The following ICA1L variants were observed in gnomAD, a reference collection of about 807,000 sequenced individuals.
The protein encoded by ICA1L is islet cell autoantigen 1 like.
In ICA1L, 50 loss-of-function variants were observed where a neutral mutation model predicts 61.3. The observed-to-expected ratio is 0.82, with a 90% CI of 0.65 to 1.03. The LOEUF is 1.03. Among genes scored for constraint, ICA1L ranks in the 50% least tolerant of loss-of-function variants. The pLI is 0.00. For synonymous variants in ICA1L, 161 were observed against 191.3 expected (o/e 0.84, Z 1.31); for missense variants, 508 against 556.7 (o/e 0.91, Z 0.88).
intron 10 of ICA1L, among the ~76,000 whole-genome samples, chr2:202,793,624 A>G (rs1412806206): frequency 2.0e-5 from 3 of 149,190 alleles, no homozygotes; most frequent in Non-Finnish European, 1.5e-5. Flanking sequence ...GGTTCCAGTG[A>G]GCAGAGATCA....
chr2:202,815,416 C>T (rs1200200269), intron 7 of ICA1L, among the ~76,000 whole-genome samples: 8 of 152,066 alleles, frequency 5.3e-5, no homozygotes, highest in Admixed American at 5.2e-4. Context: ...GGTACTGAAA[C>T]CTGGCATAAT....
intron 9 of ICA1L, among the ~76,000 whole-genome samples, chr2:202,804,700 C>T (rs1212326661): frequency 6.6e-6 from 1 of 152,196 alleles, no homozygotes; most frequent in African/African-American, 2.4e-5. Flanking sequence ...CTGCATTCAA[C>T]AGTTTGAGTA....
rs1383597826 is a variant in ICA1L at position 202,817,400 on chromosome 2, G to A, written c.684+18C>T. 1 of 1,558,756 alleles carries A rather than the reference G, an allele frequency of 6.4e-7. No individual in the cohort carries two copies. Among genetic ancestry groups the A allele is most frequent in the Non-Finnish European group, 8.7e-7 (1 of 1,150,850 alleles). On this transcript the variant is annotated intron_variant, in intron 6 of 12. Coordinates refer to ENST00000358299, the MANE Select transcript of ICA1L (RefSeq NM_001288622.3). ...CTCATCTTTACTGCAAGGATATGCT[G>A]ACCATGGAGGTGGGTACCTGGTAGG...
chr2:202,802,497 C>A (rs1693109348), intron 9 of ICA1L, among the ~76,000 whole-genome samples: 1 of 151,780 alleles, frequency 6.6e-6, no homozygotes, highest in Admixed American at 6.6e-5. Flanking sequence ...AAAAGAAATA[C>A]AATTTATACC....
chr2:202,807,761 G>C (rs1413347022), intron 9 of ICA1L, among the ~76,000 whole-genome samples: 1 of 152,080 alleles, frequency 6.6e-6, no homozygotes, highest in Non-Finnish European at 1.5e-5. Flanking sequence ...ACTTTGTCTT[G>C]CAACTTGGAT....
At position 202,817,544 on chromosome 2, in the gene ICA1L, C is replaced by A; in HGVS notation, c.559-1G>T. 6.3e-7 allele frequency: 1 copy of A among 1,594,656 alleles called. No individual in the cohort carries two copies. Among genetic ancestry groups the A allele is most frequent in the Non-Finnish European group, 8.6e-7 (1 of 1,167,600 alleles). On this transcript the variant is annotated splice_acceptor_variant, in intron 5 of 12. Transcript: ENST00000358299. LOFTEE classifies it high-confidence loss of function. ...TGCTATTTCTCACTTGCATCTGTAC[C>A]TGCAATAAAAATGCTAATTTTTATT...
intron 1 of ICA1L, among the ~76,000 whole-genome samples, chr2:202,831,525 G>A (rs779850156): frequency 2.6e-5 from 4 of 152,022 alleles, no homozygotes; most frequent in South Asian, 2.1e-4. Flanking sequence ...GGCTCAATTC[G>A]AAGAACAAAA....
intron 9 of ICA1L, among the ~76,000 whole-genome samples, chr2:202,802,247 A>G (rs1280064527): frequency 3.3e-5 from 5 of 152,192 alleles, no homozygotes; most frequent in Admixed American, 2.6e-4. Context: ...AACAGATCTG[A>G]AGAACTTACC....
intron 10 of ICA1L, among the ~76,000 whole-genome samples, chr2:202,793,984 CAA>C (rs796439915): frequency 2.8e-4 from 23 of 83,216 alleles, no homozygotes; most frequent in Admixed American, 2.6e-4. Context: ...AACTCCAGCT[CAA>C]AAAAAAAAAA....
At chr2:202,782,269 C>T (rs1443382603) in intron 12 of ICA1L, among the ~76,000 whole-genome samples, 8 of 152,030 alleles carry the variant, frequency 5.3e-5, no homozygotes, top group African/African-American at 1.2e-4. Flanking sequence ...TGCTTGAACC[C>T]GGGAGGCGGA....
chr2:202,810,426 T>TA (rs1219525065), intron 9 of ICA1L, among the ~76,000 whole-genome samples: 4 of 152,214 alleles, frequency 2.6e-5, no homozygotes, highest in African/African-American at 9.7e-5. Context: ...CATGGACACT[T>TA]ATCACTTCCC....
intron 12 of ICA1L, among the ~76,000 whole-genome samples, chr2:202,781,235 A>AATGTTC (rs1175457840): frequency 3.3e-5 from 5 of 152,158 alleles, no homozygotes; most frequent in African/African-American, 1.2e-4. Flanking sequence ...AATTAAACAT[A>AATGTTC]ATGTTCATAA....
chr2:202,809,525 G>A (rs965249228), intron 9 of ICA1L, among the ~76,000 whole-genome samples: 2 of 152,050 alleles, frequency 1.3e-5, no homozygotes. Flanking sequence ...GTGCATGCCT[G>A]TAATTCCAGT....
At chr2:202,844,778 T>C (rs1309846156) in intron 1 of ICA1L, among the ~76,000 whole-genome samples, 1 of 152,214 alleles carries the variant, frequency 6.6e-6, no homozygotes, top group Non-Finnish European at 1.5e-5. Context: ...TGTGTATTAA[T>C]TTCCTACTGC....
Position 202,779,498 on chromosome 2 carries a change from G to T in ICA1L, c.*35C>A. On this transcript the variant is annotated 3_prime_UTR_variant, in exon 13 of 13. Coordinates refer to ENST00000358299, the MANE Select transcript of ICA1L (RefSeq NM_001288622.3). ...GAAGGAAATACGTTGCAAAATTGAT[G>T]TCTCAAGGCCACTGAAGTGACATTA... The T allele has an allele frequency of 7.8e-7, 1 of 1,285,246 alleles. No homozygotes were observed. The highest frequency in any genetic ancestry group is 1.1e-6 in the Non-Finnish European group (1 of 896,504). 79.6% of individuals were successfully genotyped at this position (1,285,246 alleles called of 1,614,324 possible).
chr2:202,801,059 T>C (rs13429334), intron 9 of ICA1L, among the ~76,000 whole-genome samples: 126,044 of 152,078 alleles, frequency 0.83, 52,564 homozygotes, highest in Middle Eastern at 0.88. Context: ...GGAAAAGATT[T>C]CAGAGGTGGC....
In ICA1L at chr2:202,785,978, A is replaced by G; in HGVS notation, c.1273T>C (p.Cys425Arg). The change falls in exon 12 of 13, where the codon TGT becomes CGT. Residue 425 changes from cysteine to arginine, a missense_variant. Coordinates refer to ENST00000358299, the MANE Select transcript of ICA1L (RefSeq NM_001288622.3). ...NWVSQEESEL[C>R]LSHTDNQPVP... ...GGCTGGTTATCAGTGTGTGAAAGAC[A>G]AAGTTCTGATTCCTCTTGGGAGACC... 3.1e-6 allele frequency: 5 copies of G among 1,610,108 alleles called. No homozygotes were observed. The highest frequency in any genetic ancestry group is 4.2e-6 in the Non-Finnish European group (5 of 1,176,998).
In ICA1L at chr2:202,817,454, G is replaced by A. The variant is rs775030889; in HGVS notation, c.648C>T (p.Arg216=). Residue 216 remains arginine (R), a synonymous_variant, in exon 6 of 13, where the codon CGC becomes CGT. Coordinates refer to ENST00000358299, the MANE Select transcript of ICA1L (RefSeq NM_001288622.3). ...TGAGCGAATGAGATAGCATATTGCAGCGACTAGCTCCAAGTAAATCCACTT... is the reference window on the plus strand; with the variant it reads ...TGAGCGAATGAGATAGCATATTGCAACGACTAGCTCCAAGTAAATCCACTT... ...CQKVDLLGAS[R]CNMLSHSLTT... 1 of 1,610,484 alleles carries A rather than the reference G, an allele frequency of 6.2e-7. No homozygotes were observed. Among genetic ancestry groups the A allele is most frequent in the East Asian group, 2.2e-5 (1 of 44,682 alleles).
At chr2:202,779,687 T>C (rs762718055) in intron 12 of ICA1L, 39 bp from the exon 13 acceptor site, 1 of 1,193,284 alleles carries the variant, frequency 8.4e-7, no homozygotes, top group Non-Finnish European at 1.2e-6. Flanking sequence ...AGAGATTCAG[T>C]TTTGAAATCA....
Sources: allele counts gnomAD v4.1 joint callset (sites outside exome capture counted in the v4.1 genomes callset), GRCh38; gene constraint gnomAD v4.1.1; transcripts MANE v1.5; gene names NCBI Gene and HGNC (gene_info 2026-07-23, HGNC 2026-07-21).